TBC1D14: variants seen among roughly 807,000 people sequenced by gnomAD.
TBC1D14 encodes TBC1 domain family, member 14.
TBC1D14 carries 26 observed loss-of-function variants against 79.0 expected under a neutral mutation model. The observed-to-expected ratio is 0.33, with a 90% CI of 0.24 to 0.46. The LOEUF (loss-of-function observed/expected upper bound fraction) is 0.46, where lower values mean the gene tolerates loss of function less well. TBC1D14 is among the 20% of genes least tolerant of loss of function. The pLI is 1.00. For synonymous variants in TBC1D14, 394 were observed against 349.9 expected (o/e 1.13, Z -1.40); for missense variants, 769 against 887.6 (o/e 0.87, Z 1.70).
At chr4:7,013,696 C>G (rs1015929528) in intron 11 of TBC1D14, among the ~76,000 whole-genome samples, 10 of 151,878 alleles carry the variant, frequency 6.6e-5, no homozygotes, top group African/African-American at 1.9e-4. Flanking sequence ...CGTGTAGCCC[C>G]CTGGAAGTGC....
At chr4:6,956,886 C>T (rs1028165734) in intron 2 of TBC1D14, among the ~76,000 whole-genome samples, 3 of 152,236 alleles carry the variant, frequency 2.0e-5, no homozygotes, top group African/African-American at 7.2e-5. Context: ...TTGCTAGAAG[C>T]GAACAAAGGT....
At chr4:6,987,676 G>A (rs960053067) in intron 3 of TBC1D14, 3 of 316,910 alleles carry the variant, frequency 9.5e-6, no homozygotes, top group African/African-American at 6.4e-5. Flanking sequence ...CCTGTTTTCA[G>A]AGCCGGGCCA....
intron 1 of TBC1D14, among the ~76,000 whole-genome samples, chr4:6,915,355 G>C (rs1723313574): frequency 6.6e-6 from 1 of 152,206 alleles, no homozygotes; most frequent in Non-Finnish European, 1.5e-5. Flanking sequence ...CCGGGGTAGG[G>C]GGTTGGGGGT....
At chr4:6,918,668 G>A (rs201589374) in intron 1 of TBC1D14, among the ~76,000 whole-genome samples, 1 of 152,314 alleles carries the variant, frequency 6.6e-6, no homozygotes, top group African/African-American at 2.4e-5. Context: ...CTGGGCCTGC[G>A]AGAGGCCCTC....
At chr4:7,010,600 A>G (rs977649905) in intron 10 of TBC1D14, 53 bp from the exon 11 acceptor site, 27 of 1,589,790 alleles carry the variant, frequency 1.7e-5, no homozygotes, top group Non-Finnish European at 2.2e-5. Context: ...TGAACACACT[A>G]CGGTGACCCT....
intron 8 of TBC1D14, 133 bp from the exon 9 acceptor site, chr4:7,006,499 C>A (rs776771015): frequency 6.4e-6 from 4 of 629,494 alleles, no homozygotes; most frequent in South Asian, 2.1e-5. Flanking sequence ...CACTCTGAGT[C>A]AAGATGTGAT....
At chr4:6,938,072 G>A (rs1030938650) in intron 2 of TBC1D14, among the ~76,000 whole-genome samples, 2 of 152,160 alleles carry the variant, frequency 1.3e-5, no homozygotes, top group Admixed American at 6.5e-5. Context: ...CAGCAGTGCC[G>A]TCCCGGGCGT....
chr4:6,975,451 C>A (rs1262647389), intron 3 of TBC1D14, among the ~76,000 whole-genome samples: 1 of 152,048 alleles, frequency 6.6e-6, no homozygotes, highest in African/African-American at 2.4e-5. Flanking sequence ...TTCAAGTGAT[C>A]TGCCTGCCTC....
At chr4:6,910,577 G>A (rs1168865943) in intron 1 of TBC1D14, 1 of 152,286 alleles carries the variant, frequency 6.6e-6, no homozygotes, top group Non-Finnish European at 1.5e-5. Flanking sequence ...GGACTGTCTC[G>A]GGGCCGGGGT....
At chr4:6,937,367 G>A (rs990354557) in intron 2 of TBC1D14, among the ~76,000 whole-genome samples, 29 of 152,116 alleles carry the variant, frequency 1.9e-4, no homozygotes, top group African/African-American at 6.5e-4. Flanking sequence ...TTTTTATAAG[G>A]GCACTAATCC....
intron 3 of TBC1D14, among the ~76,000 whole-genome samples, chr4:6,970,953 C>T (rs1192090873): frequency 6.9e-6 from 1 of 145,842 alleles, no homozygotes; most frequent in Admixed American, 6.8e-5. Flanking sequence ...TTTGGACCTG[C>T]CTCAAGGAGC....
chr4:6,928,948 C>T (rs1005220747), intron 2 of TBC1D14, among the ~76,000 whole-genome samples: 14 of 152,204 alleles, frequency 9.2e-5, no homozygotes, highest in African/African-American at 2.9e-4. Flanking sequence ...TTTACTCCTG[C>T]TTTGGCCATC....
chr4:7,025,921 A>G (rs1722325181), intron 13 of TBC1D14, among the ~76,000 whole-genome samples: 1 of 152,232 alleles, frequency 6.6e-6, no homozygotes, highest in Admixed American at 6.5e-5. Context: ...AAAAGGAAAA[A>G]AAAACCAGTT....
chr4:6,981,551 A>C (rs570894684), intron 3 of TBC1D14, among the ~76,000 whole-genome samples: 1 of 152,238 alleles, frequency 6.6e-6, no homozygotes, highest in Non-Finnish European at 1.5e-5. Flanking sequence ...TTACCCTGCT[A>C]TCAAAACCAG....
chr4:6,989,510 C>A (rs1718265005), intron 3 of TBC1D14, among the ~76,000 whole-genome samples: 1 of 152,198 alleles, frequency 6.6e-6, no homozygotes, highest in African/African-American at 2.4e-5. Flanking sequence ...CTTCCCATGT[C>A]CCCCTGGCCT....
chr4:6,957,947 CTT>C (rs10665611), intron 2 of TBC1D14, among the ~76,000 whole-genome samples: 6 of 147,468 alleles, frequency 4.1e-5, no homozygotes, highest in Middle Eastern at 3.5e-3. Flanking sequence ...GGAGTGCTGG[CTT>C]TTTTTTTTTT....
At chr4:6,926,025 T>C (rs953960376) in intron 2 of TBC1D14, among the ~76,000 whole-genome samples, 2 of 152,196 alleles carry the variant, frequency 1.3e-5, no homozygotes, top group African/African-American at 4.8e-5. Context: ...ACCTGTGCCA[T>C]GTCCAGCTCT....
At chr4:6,913,635 T>C (rs948020787) in intron 1 of TBC1D14, among the ~76,000 whole-genome samples, 2 of 152,238 alleles carry the variant, frequency 1.3e-5, no homozygotes, top group African/African-American at 4.8e-5. Context: ...GCATGCTTGG[T>C]GCATGCTAAA....
chr4:6,992,063 G>C (rs759233096), intron 3 of TBC1D14, among the ~76,000 whole-genome samples: 51 of 152,216 alleles, frequency 3.4e-4, no homozygotes, highest in Non-Finnish European at 3.4e-4. Context: ...ACCAACAAGG[G>C]CTGCCCTTCT....
Sources: gnomAD v4.1 joint callset for allele counts (sites outside exome capture counted in the v4.1 genomes callset) on GRCh38, gnomAD v4.1.1 for gene constraint, MANE v1.5 for transcripts, NCBI Gene and HGNC (gene_info 2026-07-23, HGNC 2026-07-21) for gene names.